The following GALNT13 variants were observed in gnomAD, a reference collection of about 807,000 sequenced individuals.
The protein encoded by GALNT13 is UDP-GalNAc:polypeptide N-acetylgalactosaminyltransferase 13.
Under a neutral mutation model 64.2 loss-of-function variants are expected in GALNT13, and 28 were observed. The observed-to-expected ratio is 0.44, with a 90% CI of 0.32 to 0.60. The LOEUF (loss-of-function observed/expected upper bound fraction) is 0.60. GALNT13 is among the 20% of genes least tolerant of loss of function. GALNT13 has a pLI of 0.05. For synonymous variants in GALNT13, 214 were observed against 224.6 expected (o/e 0.95, Z 0.42); for missense variants, 577 against 669.8 (o/e 0.86, Z 1.53).
At chr2:153,900,844 G>A (rs1688188958) in intron 1 of GALNT13, 92 bp from the exon 2 acceptor site, 1 of 152,116 alleles carries the variant, frequency 6.6e-6, no homozygotes, top group African/African-American at 2.4e-5. Context: ...GCACGTTAAA[G>A]TATATAGTGT....
At chr2:154,378,682 G>A (rs186825276) in intron 9 of GALNT13, among the ~76,000 whole-genome samples, 1 of 151,980 alleles carries the variant, frequency 6.6e-6, no homozygotes, top group African/African-American at 2.4e-5. Flanking sequence ...CTCTGGTATC[G>A]ACTCTTCGGC....
At chr2:154,277,925 C>G (rs1210058793) in intron 8 of GALNT13, among the ~76,000 whole-genome samples, 1 of 152,150 alleles carries the variant, frequency 6.6e-6, no homozygotes, top group Non-Finnish European at 1.5e-5. Flanking sequence ...TGTACTGCCA[C>G]CATGATACAC....
intron 3 of GALNT13, among the ~76,000 whole-genome samples, chr2:154,122,155 A>C (rs993244738): frequency 6.6e-6 from 1 of 152,030 alleles, no homozygotes; most frequent in Non-Finnish European, 1.5e-5. Flanking sequence ...TTCATGTTTC[A>C]AATGTTGAAT....
chr2:153,827,429 C>A, the GALNT13 span, among the ~76,000 whole-genome samples: 3 of 152,078 alleles, frequency 2.0e-5, no homozygotes, highest in Admixed American at 6.5e-5. Flanking sequence ...CGAGACCATC[C>A]TGGCTAACAC....
At chr2:153,898,225 C>T (rs1688007392) in intron 1 of GALNT13, among the ~76,000 whole-genome samples, 6 of 151,964 alleles carry the variant, frequency 3.9e-5, no homozygotes, top group South Asian at 2.1e-4. Context: ...CCAATTGTGC[C>T]GAAGGACTTG....
At chr2:153,626,566 G>A in the GALNT13 span, among the ~76,000 whole-genome samples, 4 of 152,008 alleles carry the variant, frequency 2.6e-5, no homozygotes, top group Non-Finnish European at 5.9e-5. Context: ...TCCATGCTTG[G>A]CACATAAGAG....
chr2:153,830,050 T>C, the GALNT13 span, among the ~76,000 whole-genome samples: 1 of 152,170 alleles, frequency 6.6e-6, no homozygotes, highest in Admixed American at 6.5e-5. Flanking sequence ...TTAAAAGTAT[T>C]TTTAGAAGTA....
chr2:153,978,485 AC>A (rs1167938950), intron 3 of GALNT13, among the ~76,000 whole-genome samples: 4 of 151,976 alleles, frequency 2.6e-5, no homozygotes, highest in Admixed American at 2.6e-4. Flanking sequence ...TGTGGGAGGG[AC>A]CCTGGGGAGG....
intron 10 of GALNT13, among the ~76,000 whole-genome samples, chr2:154,398,932 G>T (rs576544680): frequency 6.6e-6 from 1 of 152,040 alleles, no homozygotes; most frequent in African/African-American, 2.4e-5. Flanking sequence ...TTTTATTATC[G>T]CAGGGTTAAT....
the GALNT13 span, among the ~76,000 whole-genome samples, chr2:153,759,688 A>T: frequency 2.6e-5 from 4 of 152,274 alleles, no homozygotes; most frequent in African/African-American, 9.6e-5. Context: ...TAAATGATTC[A>T]TTTAATACAC....
At chr2:153,523,995 AT>A in the GALNT13 span, among the ~76,000 whole-genome samples, 1 of 151,936 alleles carries the variant, frequency 6.6e-6, no homozygotes, top group Admixed American at 6.6e-5. Flanking sequence ...TTTACTGGGA[AT>A]TTTTTTTAAT....
At chr2:153,251,056 T>A in the GALNT13 span, among the ~76,000 whole-genome samples, 1 of 143,514 alleles carries the variant, frequency 7.0e-6, no homozygotes, top group Non-Finnish European at 1.5e-5. Context: ...AAATAAATAA[T>A]TTTTTTTATT....
intron 1 of GALNT13, among the ~76,000 whole-genome samples, chr2:153,883,342 CAAAA>C (rs1248870826): frequency 1.3e-5 from 2 of 151,656 alleles, no homozygotes; most frequent in Non-Finnish European, 2.9e-5. Flanking sequence ...AGTAAGAAAA[CAAAA>C]AATACAGTTA....
the GALNT13 span, among the ~76,000 whole-genome samples, chr2:153,540,977 C>CT: frequency 1.3e-5 from 2 of 152,076 alleles, no homozygotes; most frequent in African/African-American, 4.8e-5. Context: ...CTTTGGGGGA[C>CT]TGTTGGAAAG....
At chr2:153,194,149 G>A in the GALNT13 span, among the ~76,000 whole-genome samples, 1 of 152,046 alleles carries the variant, frequency 6.6e-6, no homozygotes, top group Admixed American at 6.6e-5. Context: ...GCTAGACTTA[G>A]GAAGTTTCCA....
At chr2:153,802,756 G>A in the GALNT13 span, among the ~76,000 whole-genome samples, 2 of 152,098 alleles carry the variant, frequency 1.3e-5, no homozygotes, top group Non-Finnish European at 2.9e-5. Context: ...GTATTCCAAG[G>A]CAAGCCTCTT....
At chr2:153,181,126 T>C in the GALNT13 span, among the ~76,000 whole-genome samples, 1 of 149,508 alleles carries the variant, frequency 6.7e-6, no homozygotes, top group African/African-American at 2.4e-5. Flanking sequence ...CTTTTTCCTC[T>C]TTTGATGTAG....
chr2:154,403,379 C>T (rs572012441), intron 10 of GALNT13, among the ~76,000 whole-genome samples: 1 of 151,784 alleles, frequency 6.6e-6, no homozygotes, highest in Admixed American at 6.6e-5. Flanking sequence ...TCACTTGAAC[C>T]TGGGAGTTGG....
chr2:154,169,236 G>A (rs967479451), intron 4 of GALNT13, among the ~76,000 whole-genome samples: 1 of 152,076 alleles, frequency 6.6e-6, no homozygotes, highest in African/African-American at 2.4e-5. Context: ...GAGGGGAGGG[G>A]TCAAACAAAC....
Sources: gnomAD v4.1 joint callset for allele counts (sites outside exome capture counted in the v4.1 genomes callset) on GRCh38, gnomAD v4.1.1 for gene constraint, MANE v1.5 for transcripts, NCBI Gene and HGNC (gene_info 2026-07-23, HGNC 2026-07-21) for gene names.